NUB1: variants seen among roughly 807,000 people sequenced by gnomAD.
NUB1 encodes negative regulator of ubiquitin like proteins 1, also known as NEDD8 ultimate buster 1.
A neutral mutation model predicts 77.1 loss-of-function variants in NUB1; 41 were observed. That is an observed-to-expected ratio of 0.53 (90% CI 0.41 to 0.69). NUB1 has a LOEUF of 0.69. Among genes scored for constraint, NUB1 ranks in the 30% least tolerant of loss-of-function variants. NUB1 has a pLI of 0.00. For synonymous variants in NUB1, 257 were observed against 281.0 expected (o/e 0.91, Z 0.85); for missense variants, 643 against 743.8 (o/e 0.86, Z 1.58).
chr7:151,359,741 C>T (rs1217737397), intron 7 of NUB1, among the ~76,000 whole-genome samples: 3 of 152,146 alleles, frequency 2.0e-5, no homozygotes, highest in Non-Finnish European at 4.4e-5. Context: ...CGCACCACTG[C>T]CCTCCAGCCT....
At chr7:151,349,668 T>A (rs894340003) in intron 3 of NUB1, among the ~76,000 whole-genome samples, 8 of 152,188 alleles carry the variant, frequency 5.3e-5, no homozygotes, top group Non-Finnish European at 1.0e-4. Context: ...GGTCACCTCC[T>A]CTCATTGCCA....
intron 1 of NUB1, among the ~76,000 whole-genome samples, chr7:151,344,990 A>G (rs1218899391): frequency 6.6e-6 from 1 of 152,012 alleles, no homozygotes; most frequent in East Asian, 1.9e-4. Context: ...ACAGAGCGAG[A>G]CTCCGTCTCA....
chr7:151,360,460 A>G (rs977045892), intron 8 of NUB1: 1 of 469,594 alleles, frequency 2.1e-6, no homozygotes, highest in Non-Finnish European at 3.8e-6. Context: ...TCAAGCAGGT[A>G]GGATATCCTC....
At chr7:151,372,035 A>AT (rs1367277587) in intron 11 of NUB1, among the ~76,000 whole-genome samples, 1 of 152,158 alleles carries the variant, frequency 6.6e-6, no homozygotes, top group African/African-American at 2.4e-5. Flanking sequence ...AAAAGTTTAT[A>AT]TTTTTTGTGC....
In NUB1 at chr7:151,366,519, TAAAGAAAG is replaced by T. The variant is rs10571761; in HGVS notation, c.801-401_801-394del. On this transcript the variant is annotated intron_variant, in intron 8 of 14. Coordinates refer to ENST00000568733, the MANE Select transcript of NUB1 (RefSeq NM_001243351.2). ...TGGTCTGGGTGGGATCAATGATTCT[TAAAGAAAG>T]AAAGAAAGAAAGAAAGAACGTTGCT... Among the ~76,000 whole-genome samples, 74 of 150,802 alleles carry T rather than the reference TAAAGAAAG, an allele frequency of 4.9e-4. 1 individual carries two copies. The highest frequency in any genetic ancestry group is 3.4e-3 in the Middle Eastern group (1 of 294).
At chr7:151,373,180 T>G (rs919215446) in intron 11 of NUB1, among the ~76,000 whole-genome samples, 4 of 152,198 alleles carry the variant, frequency 2.6e-5, no homozygotes, top group African/African-American at 9.6e-5. Context: ...CCGTCCTCGC[T>G]GCTGCTGATG....
At position 151,374,796 on chromosome 7, in the gene NUB1, C is replaced by T. The variant is rs112821153; in HGVS notation, c.1395+553C>T. Among the ~76,000 whole-genome samples the T allele has an allele frequency of 4.2e-3, 640 of 152,182 alleles. 8 individuals are homozygous for T. Among genetic ancestry groups the T allele is most frequent in the African/African-American group, 0.014 (602 of 41,530 alleles). Reference sequence around the variant, plus strand: ...CGAATCCTCAGTAGGGCAGGTGCTGCGCTGCGTCTCAGCAGCTTGGCATGG... The same window carrying T: ...CGAATCCTCAGTAGGGCAGGTGCTGTGCTGCGTCTCAGCAGCTTGGCATGG... On this transcript the variant is annotated intron_variant, in intron 12 of 14. Transcript: ENST00000568733.
intron 8 of NUB1, among the ~76,000 whole-genome samples, chr7:151,364,147 G>A (rs1797523664): frequency 6.6e-6 from 1 of 150,592 alleles, no homozygotes; most frequent in Non-Finnish European, 1.5e-5. Flanking sequence ...GCCTGGCCGG[G>A]CGCGGTGGCT....
At chr7:151,370,923 A>T (rs2150711050) in intron 11 of NUB1, among the ~76,000 whole-genome samples, 1 of 152,330 alleles carries the variant, frequency 6.6e-6, no homozygotes, top group South Asian at 2.1e-4. Context: ...TATAGTTCAT[A>T]AAACATTGTC....
intron 2 of NUB1, among the ~76,000 whole-genome samples, chr7:151,347,545 A>G (rs1366360976): frequency 2.0e-5 from 3 of 152,034 alleles, no homozygotes; most frequent in African/African-American, 7.2e-5. Flanking sequence ...GCAGCCTCAC[A>G]CTCCTGGGCT....
intron 7 of NUB1, among the ~76,000 whole-genome samples, 196 bp from the exon 8 acceptor site, chr7:151,359,945 A>G (rs985465158): frequency 1.2e-4 from 18 of 152,324 alleles, no homozygotes; most frequent in Middle Eastern, 6.8e-3. Flanking sequence ...GCTATAATAA[A>G]TGAAGTGTTT....
chr7:151,352,330 A>T (rs1452093486), intron 4 of NUB1: 5 of 331,116 alleles, frequency 1.5e-5, no homozygotes, highest in African/African-American at 1.1e-4. Flanking sequence ...TACAGTTTCA[A>T]ATAGCCGTCT....
rs1247539976 is a variant in NUB1 at position 151,376,681 on chromosome 7, A to T, written c.1539A>T (p.Arg513Ser). The T allele has an allele frequency of 1.9e-6, 3 of 1,611,220 alleles. No individual in the cohort carries two copies. The Admixed American group carries it at 5.0e-5, about 27-fold the overall frequency. Reference sequence around the variant, plus strand: ...CACTCGTGGCCGAAGCTGCGCTGAGAGTGTTCAGAGGCAACGTCCAGCTGG... The same window carrying T: ...CACTCGTGGCCGAAGCTGCGCTGAGTGTGTTCAGAGGCAACGTCCAGCTGG... ...FDALVAEAALRVFRGNVQLAA... is the reference protein window; with the variant it reads ...FDALVAEAALSVFRGNVQLAA... Residue 513 changes from arginine to serine, a missense_variant, in exon 14 of 15, where the codon AGA (arginine) becomes AGT (serine). Arg to Ser is a moderately radical substitution (Grantham distance 110). Coordinates refer to ENST00000568733, the MANE Select transcript of NUB1 (RefSeq NM_001243351.2).
chr7:151,377,341 A>C lies in NUB1; in HGVS notation c.*116A>C. On this transcript the variant is annotated 3_prime_UTR_variant, in exon 15 of 15. Coordinates refer to ENST00000568733, the MANE Select transcript of NUB1 (RefSeq NM_001243351.2). ...TGAATTACAAGTCCTCTTTGGGTGT[A>C]GGAGGGGGTGGGCAGGGGACAAGTC... The C allele has an allele frequency of 1.8e-5, 7 of 397,830 alleles. No individual in the cohort carries two copies. The highest frequency in any genetic ancestry group is 2.2e-5 in the Non-Finnish European group (5 of 223,196). 24.6% of individuals were successfully genotyped at this position (397,830 alleles called of 1,614,324 possible).
In NUB1 at chr7:151,374,311, G is replaced by A. The variant is rs1798104756; in HGVS notation, c.1395+68G>A. On this transcript the variant is annotated intron_variant, in intron 12 of 14. Coordinates refer to ENST00000568733, the MANE Select transcript of NUB1 (RefSeq NM_001243351.2). The stretch of plus-strand genomic sequence containing the variant: ...GGGTCCTGCCCAGAGCTCCCTCCAT[G>A]GCTCTCCAGCATCCTCCCGGGCTCA... 2.6e-6 allele frequency: 4 copies of A among 1,521,134 alleles called. No individual in the cohort carries two copies. The East Asian group carries it at 9.8e-5, about 37-fold the overall frequency. 94.2% of individuals were successfully genotyped at this position (1,521,134 alleles called of 1,614,324 possible).
At chr7:151,354,158 C>G (rs1796948731) in intron 5 of NUB1, among the ~76,000 whole-genome samples, 1 of 152,076 alleles carries the variant, frequency 6.6e-6, no homozygotes, top group Admixed American at 6.6e-5. Context: ...ATTTTTCTTC[C>G]TATATAATTC....
chr7:151,368,008 T>C (rs1797775007), intron 10 of NUB1, 40 bp downstream of exon 10: 4 of 1,157,462 alleles, frequency 3.5e-6, no homozygotes, highest in Non-Finnish European at 5.0e-6. Flanking sequence ...CACCTCCTTT[T>C]AAAAAACATT....
intron 1 of NUB1, among the ~76,000 whole-genome samples, chr7:151,344,501 T>C (rs1200180129): frequency 2.6e-5 from 4 of 150,984 alleles, no homozygotes; most frequent in Non-Finnish European, 4.4e-5. Context: ...TTTTTTTTTT[T>C]AGTAGAGATA....
Position 151,344,180 on chromosome 7 carries a change from C to CAAAAAAAA in NUB1, c.-2-1142_-2-1135dup, listed in dbSNP as rs561127147. Among the ~76,000 whole-genome samples, 63 of 45,636 alleles carry CAAAAAAAA rather than the reference C, an allele frequency of 1.4e-3. 6 individuals carry two copies. The highest frequency in any genetic ancestry group is 2.3e-3 in the African/African-American group (38 of 16,678). 29.9% of individuals were successfully genotyped at this position (45,636 alleles called of 152,430 possible). Reference sequence around the variant, plus strand: ...TGGGCGACAGAGTGAGACTCCCTCTCAAAAAAAAAAAAAAAAAAAAAAAAA... The same window carrying CAAAAAAAA: ...TGGGCGACAGAGTGAGACTCCCTCTCAAAAAAAAAAAAAAAAAAAAAAAAAAAAAAAAA... On this transcript the variant is annotated intron_variant, in intron 1 of 14. Coordinates refer to ENST00000568733, the MANE Select transcript of NUB1 (RefSeq NM_001243351.2).
Sources: gnomAD v4.1 joint callset for allele counts (sites outside exome capture counted in the v4.1 genomes callset) on GRCh38, gnomAD v4.1.1 for gene constraint, MANE v1.5 for transcripts, NCBI Gene and HGNC (gene_info 2026-07-23, HGNC 2026-07-21) for gene names.